Variants in RNF149 observed in about 807,000 individuals in gnomAD.
RNF149 encodes E3 ubiquitin-protein ligase RNF149.
RNF149 carries 21 observed loss-of-function variants against 39.0 expected under a neutral mutation model. The ratio of observed to expected loss-of-function variants is 0.54; its 90% CI spans 0.38 to 0.77. The LOEUF (loss-of-function observed/expected upper bound fraction) is 0.77. Among genes scored for constraint, RNF149 ranks in the 30% least tolerant of loss-of-function variants. The pLI is 0.00. For synonymous variants in RNF149, 209 were observed against 213.6 expected, an observed-to-expected ratio of 0.98 and a Z score of 0.19; for missense variants, 493 against 534.9, an observed-to-expected ratio of 0.92 and a Z score of 0.77.
At chr2:101,291,515 TC>T (rs1683011951) in intron 3 of RNF149, among the ~76,000 whole-genome samples, 1 of 151,724 alleles carries the variant, frequency 6.6e-6, no homozygotes, top group Admixed American at 6.6e-5. Context: ...ACTCCTGGAC[TC>T]AAGAGATCCT....
intron 6 of RNF149, among the ~76,000 whole-genome samples, chr2:101,279,867 G>A (rs1558777344): frequency 1.3e-5 from 2 of 152,072 alleles, no homozygotes; most frequent in Admixed American, 6.6e-5. Context: ...CCTCTTCTAG[G>A]ATGACAAAAT....
rs1022973504 is a variant in RNF149 at position 101,307,746 on chromosome 2, T to G, written c.460+383A>C. 3 of 877,930 alleles carry G rather than the reference T, an allele frequency of 3.4e-6. No homozygotes were observed. The African/African-American group carries it at 5.4e-5, about 16-fold the overall frequency. The allele number at this position is 877,930 out of a possible 1,614,324, so 54.4% of individuals were successfully genotyped here. On this transcript the variant is annotated intron_variant, in intron 1 of 6. Transcript: ENST00000295317. ...AGGGACAACCGATCGTGGGGCGCGCTGGGGGAAGAGTTTGGATTCCTACTC... is the reference window on the plus strand; with the variant it reads ...AGGGACAACCGATCGTGGGGCGCGCGGGGGGAAGAGTTTGGATTCCTACTC...
chr2:101,279,684 A>G (rs1244485643), intron 6 of RNF149, among the ~76,000 whole-genome samples: 1 of 152,186 alleles, frequency 6.6e-6, no homozygotes, highest in Non-Finnish European at 1.5e-5. Flanking sequence ...ACAATTTTAT[A>G]ATTCTCTGAA....
At chr2:101,296,520 A>G (rs577452461) in intron 1 of RNF149, among the ~76,000 whole-genome samples, 1 of 152,370 alleles carries the variant, frequency 6.6e-6, no homozygotes, top group East Asian at 1.9e-4. Flanking sequence ...AGACACCCAC[A>G]GAATGAGACA....
chr2:101,305,296 G>A (rs1394678707), intron 1 of RNF149, among the ~76,000 whole-genome samples: 2 of 152,116 alleles, frequency 1.3e-5, no homozygotes, highest in African/African-American at 4.8e-5. Flanking sequence ...AAGGCTGTCT[G>A]TACACAGTCA....
At position 101,281,909 on chromosome 2, in the gene RNF149, T is replaced by C. The variant is rs756018332; in HGVS notation, c.1109A>G (p.Gln370Arg). 2.2e-5 allele frequency: 35 copies of C among 1,613,994 alleles called. No individual in the cohort carries two copies. The South Asian group carries it at 3.6e-4, about 17-fold the overall frequency. Residue 370 changes from glutamine (Q) to arginine (R), a missense_variant, in exon 6 of 7, where the codon CAG becomes CGG. Physicochemically the swap from Gln to Arg is conservative, Grantham distance 43. Transcript: ENST00000295317. ...PSASPAESEPQCDPSFKGDAG... is the reference protein window; with the variant it reads ...PSASPAESEPRCDPSFKGDAG... ...ATCTCCTTTAAAGCTGGGATCACACTGTGGCTCAGATTCAGCAGGGGAGGC... is the reference window on the plus strand; with the variant it reads ...ATCTCCTTTAAAGCTGGGATCACACCGTGGCTCAGATTCAGCAGGGGAGGC...
intron 1 of RNF149, among the ~76,000 whole-genome samples, chr2:101,302,059 T>C (rs1167691277): frequency 2.6e-5 from 4 of 152,246 alleles, no homozygotes; most frequent in Non-Finnish European, 4.4e-5. Flanking sequence ...GGAGAATTTC[T>C]GGTCAAATCT....
At chr2:101,272,274 C>T (rs1363206608), downstream of RNF149, among the ~76,000 whole-genome samples, 2 of 152,180 alleles carry the variant, frequency 1.3e-5, no homozygotes, top group Non-Finnish European at 2.9e-5. Context: ...TAATACAGCC[C>T]TACATCTCGG....
chr2:101,283,069 A>G (rs1415485858), intron 5 of RNF149, among the ~76,000 whole-genome samples: 1 of 152,242 alleles, frequency 6.6e-6, no homozygotes, highest in Non-Finnish European at 1.5e-5. Context: ...CACTCCACAG[A>G]CACAGCATTA....
chr2:101,279,194 G>A (rs540937751), intron 6 of RNF149, among the ~76,000 whole-genome samples: 29 of 152,288 alleles, frequency 1.9e-4, no homozygotes, highest in African/African-American at 6.7e-4. Context: ...GGGGTGGGGT[G>A]GGGACACTGG....
In RNF149 at chr2:101,286,124, C is replaced by G; in HGVS notation, c.917G>C (p.Cys306Ser). 6.2e-7 allele frequency: 1 copy of G among 1,612,708 alleles called. No individual in the cohort carries two copies. Residue 306 changes from cysteine (C) to serine (S), a missense_variant, in exon 5 of 7, where the codon TGT becomes TCT. Physicochemically the swap from Cys to Ser is moderately radical, Grantham distance 112. Coordinates refer to ENST00000295317, the MANE Select transcript of RNF149 (RefSeq NM_173647.4). ...GATGACATCAAGTTTACACATTGGA[C>G]ATGTTCGGTGATCCAAAAGCCATGG... ...IDPWLLDHRTCPMCKLDVIKA... is the reference protein window; with the variant it reads ...IDPWLLDHRTSPMCKLDVIKA...
rs546222368 is a variant in RNF149, at chr2:101,281,590, T to C, written c.1159+269A>G. Reference sequence around the variant, plus strand: ...GATCATAGCTCACTGCAGCCTGAACTCTTGGTCACAAGCCACTCTCCTGCC... The same window carrying C: ...GATCATAGCTCACTGCAGCCTGAACCCTTGGTCACAAGCCACTCTCCTGCC... On this transcript the variant is annotated intron_variant, in intron 6 of 6. Transcript: ENST00000295317. The C allele has an allele frequency of 1.1e-3, 445 of 418,642 alleles. 3 individuals are homozygous for C. The highest frequency in any genetic ancestry group is 7.1e-3 in the African/African-American group (348 of 49,142). 25.9% of individuals were successfully genotyped at this position (418,642 alleles called of 1,614,324 possible).
Position 101,278,579 on chromosome 2 carries a change from T to C in RNF149, c.1160-1298A>G, listed in dbSNP as rs535601128. ...AATTGACAAAAACTGTATATATATATGGTATACAACATGATGTTCTGAAAC... is the reference window on the plus strand; with the variant it reads ...AATTGACAAAAACTGTATATATATACGGTATACAACATGATGTTCTGAAAC... On this transcript the variant is annotated intron_variant, in intron 6 of 6. Coordinates refer to ENST00000295317, the MANE Select transcript of RNF149 (RefSeq NM_173647.4). Among the ~76,000 whole-genome samples, 379 of 152,348 alleles carry C rather than the reference T, an allele frequency of 2.5e-3. 3 individuals carry two copies. Among genetic ancestry groups the C allele is most frequent in the South Asian group, 7.2e-3 (35 of 4,832 alleles).
downstream of RNF149, chr2:101,272,737 A>G (rs1682173591): frequency 2.9e-6 from 1 of 350,672 alleles, no homozygotes; most frequent in Admixed American, 3.8e-5. Flanking sequence ...TTGAGCAAAT[A>G]AACTTCAACA....
intron 3 of RNF149, among the ~76,000 whole-genome samples, chr2:101,290,023 T>C (rs1398002782): frequency 4.0e-5 from 6 of 151,750 alleles, no homozygotes; most frequent in Non-Finnish European, 8.8e-5. Context: ...CTACTAAAAA[T>C]ACAAAAATTA....
At chr2:101,275,126 T>TTG (rs1682286251), downstream of RNF149, among the ~76,000 whole-genome samples, 1 of 131,418 alleles carries the variant, frequency 7.6e-6, no homozygotes, top group Non-Finnish European at 1.6e-5. Context: ...TTTTTTTTTT[T>TTG]TTTTTTTTTG....
At position 101,280,082 on chromosome 2, in the gene RNF149, G is replaced by A. The variant is rs1405606002; in HGVS notation, c.1159+1777C>T. ...CCCAGGAGGGTGGATCACCTGAGGTGGGCAAATCACTTGAACCCAGGAGGC... is the reference window on the plus strand; with the variant it reads ...CCCAGGAGGGTGGATCACCTGAGGTAGGCAAATCACTTGAACCCAGGAGGC... On this transcript the variant is annotated intron_variant, in intron 6 of 6. Transcript: ENST00000295317. 2.6e-5 allele frequency among the ~76,000 whole-genome samples: 4 copies of A among 152,072 alleles called. No homozygotes were observed. The East Asian group carries it at 5.8e-4, about 22-fold the overall frequency.
chr2:101,306,588 C>T (rs983907568), intron 1 of RNF149, among the ~76,000 whole-genome samples: 1 of 152,208 alleles, frequency 6.6e-6, no homozygotes. Flanking sequence ...GTGTTCTGGA[C>T]TCAGCCTTCT....
chr2:101,288,345 C>T (rs1682876096), intron 4 of RNF149, among the ~76,000 whole-genome samples: 1 of 144,826 alleles, frequency 6.9e-6, no homozygotes, highest in African/African-American at 2.6e-5. Context: ...TCAAGTAATT[C>T]TCCTGCCCCA....
Sources: gnomAD v4.1 joint callset for allele counts (sites outside exome capture counted in the v4.1 genomes callset) on GRCh38, gnomAD v4.1.1 for gene constraint, MANE v1.5 for transcripts, NCBI Gene and HGNC (gene_info 2026-07-23, HGNC 2026-07-21) for gene names.